Variants in PSTPIP2 observed in about 807,000 individuals in gnomAD.
The protein encoded by PSTPIP2 is proline-serine-threonine phosphatase interacting protein 2.
In PSTPIP2, 33 loss-of-function variants were observed where a neutral mutation model predicts 63.3. The observed-to-expected ratio is 0.52, with a 90% CI of 0.40 to 0.70. The LOEUF (loss-of-function observed/expected upper bound fraction) is 0.70. Among genes scored for constraint, PSTPIP2 ranks in the 30% least tolerant of loss-of-function variants. The pLI is 0.00. For missense variants in PSTPIP2, 312 were observed against 400.7 expected, an observed-to-expected ratio of 0.78 and a Z score of 1.89; for synonymous variants, 125 against 132.7, an observed-to-expected ratio of 0.94 and a Z score of 0.40.
chr18:46,026,673 C>G (rs539739172), intron 2 of PSTPIP2, among the ~76,000 whole-genome samples: 1 of 151,748 alleles, frequency 6.6e-6, no homozygotes, highest in African/African-American at 2.4e-5. Context: ...ACCACGATTT[C>G]AAGAGCAGCC....
chr18:46,013,616 T>C (rs746236107), intron 4 of PSTPIP2, among the ~76,000 whole-genome samples: 1 of 151,936 alleles, frequency 6.6e-6, no homozygotes, highest in Non-Finnish European at 1.5e-5. Context: ...AATTCCAAGT[T>C]GCAGTTATAA....
rs566850457 is a variant in PSTPIP2 at position 46,040,184 on chromosome 18, T to C, written c.34-137A>G. 3.9e-4 allele frequency: 227 copies of C among 582,566 alleles called. 5 individuals carry two copies. In the South Asian group the frequency reaches 5.2e-3, roughly 13 times the overall value. The allele number at this position is 582,566 out of a possible 1,614,324, so 36.1% of individuals were successfully genotyped here. ...CTTTGAGATGGCGCAGGGACCCACT[T>C]AGGAGCCTGTCAGGCTTCTCCACCC... On this transcript the variant is annotated intron_variant, in intron 1 of 14. Transcript: ENST00000409746.
At chr18:46,066,481 C>T (rs1599754234) in intron 1 of PSTPIP2, among the ~76,000 whole-genome samples, 2 of 152,346 alleles carry the variant, frequency 1.3e-5, no homozygotes, top group East Asian at 1.9e-4. Flanking sequence ...GCCACTCAGA[C>T]TTCACATAGA....
intron 1 of PSTPIP2, among the ~76,000 whole-genome samples, chr18:46,060,596 G>T (rs1226275506): frequency 6.6e-6 from 1 of 152,218 alleles, no homozygotes; most frequent in Non-Finnish European, 1.5e-5. Flanking sequence ...GCTGCCATTG[G>T]CTGGTGGCCT....
intron 1 of PSTPIP2, among the ~76,000 whole-genome samples, chr18:46,041,878 G>A (rs757040739): frequency 6.6e-6 from 1 of 152,098 alleles, no homozygotes; most frequent in Non-Finnish European, 1.5e-5. Context: ...TCTTCCCAGC[G>A]CCAGTTTGCA....
chr18:46,050,646 A>G (rs1908553506), intron 1 of PSTPIP2, among the ~76,000 whole-genome samples: 1 of 152,196 alleles, frequency 6.6e-6, no homozygotes, highest in South Asian at 2.1e-4. Context: ...ATTATGTACA[A>G]TCACATGATG....
intron 6 of PSTPIP2, among the ~76,000 whole-genome samples, chr18:46,003,742 C>T (rs930203394): frequency 7.4e-5 from 11 of 148,430 alleles, no homozygotes; most frequent in African/African-American, 2.8e-4. Context: ...CTTCTTCTCT[C>T]CCCCTTTCAG....
At chr18:45,991,809 G>A in intron 12 of PSTPIP2, 93 bp downstream of exon 12, 3 of 1,225,678 alleles carry the variant, frequency 2.4e-6, no homozygotes, top group Non-Finnish European at 3.5e-6. Flanking sequence ...TGCAGTAGTA[G>A]ATATGTTCCA....
At chr18:46,037,348 T>C (rs903813631) in intron 2 of PSTPIP2, among the ~76,000 whole-genome samples, 12 of 152,158 alleles carry the variant, frequency 7.9e-5, no homozygotes, top group African/African-American at 2.9e-4. Flanking sequence ...GGTTTCTCCA[T>C]GTTGGTCAGG....
At chr18:46,014,193 T>C (rs1191545250) in intron 4 of PSTPIP2, among the ~76,000 whole-genome samples, 13 of 152,114 alleles carry the variant, frequency 8.5e-5, no homozygotes, top group Non-Finnish European at 1.6e-4. Context: ...TGGCTAACTT[T>C]TGTATTTTAG....
chr18:46,034,936 T>C (rs956463601), intron 2 of PSTPIP2, among the ~76,000 whole-genome samples: 1 of 152,188 alleles, frequency 6.6e-6, no homozygotes, highest in Non-Finnish European at 1.5e-5. Flanking sequence ...CTCTAAGGTA[T>C]GATTAACCCT....
intron 3 of PSTPIP2, among the ~76,000 whole-genome samples, chr18:46,022,325 G>A (rs1329708186): frequency 6.6e-6 from 1 of 152,028 alleles, no homozygotes; most frequent in Non-Finnish European, 1.5e-5. Flanking sequence ...TTAGAAGCAA[G>A]AGAAGACAAG....
rs112155707 is a variant in PSTPIP2 at position 46,005,837 on chromosome 18, A to G, written c.355-306T>C. 2.2e-3 allele frequency among the ~76,000 whole-genome samples: 342 copies of G among 152,350 alleles called. 3 individuals are homozygous for G. The highest frequency in any genetic ancestry group is 0.014 in the Middle Eastern group (4 of 294). On this transcript the variant is annotated intron_variant, in intron 5 of 14. Coordinates refer to ENST00000409746, the MANE Select transcript of PSTPIP2 (RefSeq NM_024430.4). ...CTGGAATCAAGGAACTTTGGTTTCA[A>G]AAAGGAATTTTAAAACTTTTGTTAA...
chr18:46,032,969 C>G (rs1179114985), intron 2 of PSTPIP2, among the ~76,000 whole-genome samples: 22 of 152,114 alleles, frequency 1.4e-4, no homozygotes, highest in Admixed American at 1.4e-3. Context: ...ATATTTTGCT[C>G]AATTTTACTG....
intron 1 of PSTPIP2, among the ~76,000 whole-genome samples, chr18:46,049,886 A>G (rs942468409): frequency 2.0e-5 from 3 of 152,194 alleles, no homozygotes; most frequent in Non-Finnish European, 2.9e-5. Context: ...TTCAAAAAAC[A>G]AAACAAAAAA....
intron 1 of PSTPIP2, among the ~76,000 whole-genome samples, chr18:46,054,513 T>C (rs1189997274): frequency 6.6e-6 from 1 of 152,172 alleles, no homozygotes; most frequent in Non-Finnish European, 1.5e-5. Context: ...TGAATAATAA[T>C]GTATACATAC....
intron 5 of PSTPIP2, among the ~76,000 whole-genome samples, chr18:46,007,387 C>T (rs554017594): frequency 5.3e-5 from 8 of 152,262 alleles, no homozygotes; most frequent in African/African-American, 9.6e-5. Flanking sequence ...CTGCTAATGG[C>T]GAAGGCAGCA....
chr18:46,014,646 G>T (rs1028350979), intron 4 of PSTPIP2, among the ~76,000 whole-genome samples: 1 of 152,158 alleles, frequency 6.6e-6, no homozygotes, highest in Admixed American at 6.5e-5. Flanking sequence ...CTGGGAGTGT[G>T]AGGCTGCAGT....
intron 4 of PSTPIP2, among the ~76,000 whole-genome samples, chr18:46,012,610 A>G (rs1357136127): frequency 6.6e-6 from 1 of 152,172 alleles, no homozygotes; most frequent in Non-Finnish European, 1.5e-5. Flanking sequence ...CGTCTCTACT[A>G]AAAATACAAA....
Sources: allele counts gnomAD v4.1 joint callset (sites outside exome capture counted in the v4.1 genomes callset), GRCh38; gene constraint gnomAD v4.1.1; transcripts MANE v1.5; gene names NCBI Gene and HGNC (gene_info 2026-07-23, HGNC 2026-07-21).